Variants in SMUG1 observed in about 807,000 individuals in gnomAD.
SMUG1 encodes single-strand selective monofunctional uracil DNA glycosylase.
A neutral mutation model predicts 23.9 loss-of-function variants in SMUG1; 13 were observed. The ratio of observed to expected loss-of-function variants is 0.54; its 90% CI spans 0.35 to 0.86. The LOEUF is 0.86. Ranked by LOEUF, SMUG1 falls within the 40% of genes least tolerant of loss-of-function variation. The pLI is 0.01. For missense variants in SMUG1, 313 were observed against 339.5 expected, an observed-to-expected ratio of 0.92 and a Z score of 0.61; for synonymous variants, 133 against 139.8, an observed-to-expected ratio of 0.95 and a Z score of 0.34.
chr12:54,182,675 C>A, intron 3 of SMUG1, 52 bp from the exon 4 acceptor site: 1 of 1,555,594 alleles, frequency 6.4e-7, no homozygotes, highest in South Asian at 1.2e-5. Flanking sequence ...ACCTGAGGCC[C>A]GGGCTCTGGA....
downstream of SMUG1, among the ~76,000 whole-genome samples, chr12:54,162,980 G>C (rs758211504): frequency 6.6e-6 from 1 of 152,160 alleles, no homozygotes; most frequent in Non-Finnish European, 1.5e-5. Flanking sequence ...GGGAGCTGTC[G>C]GGCTAGGAGG....
At position 54,181,475 on chromosome 12, in the gene SMUG1, G is replaced by T; in HGVS notation, c.*621C>A. ...CTGTTTTACAGATGAGGAGCCTGAG[G>T]CATAGAGAGGTTTATTAATTTGTCA... On this transcript the variant is annotated 3_prime_UTR_variant, in exon 4 of 4. Transcript: ENST00000682136. 1.6e-6 allele frequency: 2 copies of T among 1,288,808 alleles called. No individual in the cohort carries two copies. Among genetic ancestry groups the T allele is most frequent in the Non-Finnish European group, 2.2e-6 (2 of 922,818 alleles). The allele number at this position is 1,288,808 out of a possible 1,614,324, so 79.8% of individuals were successfully genotyped here.
chr12:54,159,945 G>A (rs2136526319), downstream of SMUG1, among the ~76,000 whole-genome samples: 1 of 152,348 alleles, frequency 6.6e-6, no homozygotes, highest in Non-Finnish European at 1.5e-5. Flanking sequence ...TTGACCTTGT[G>A]CCTTCTTTGT....
At chr12:54,174,821 A>G (rs1940714336) in intron 2 of SMUG1, among the ~76,000 whole-genome samples, 1 of 152,216 alleles carries the variant, frequency 6.6e-6, no homozygotes, top group Admixed American at 6.5e-5. Flanking sequence ...GTACAGGAAA[A>G]TTCTTTTGCA....
At chr12:54,167,650 C>T (rs572186663) in intron 3 of SMUG1, among the ~76,000 whole-genome samples, 1 of 152,254 alleles carries the variant, frequency 6.6e-6, no homozygotes, top group South Asian at 2.1e-4. Flanking sequence ...CATGCAAAGC[C>T]CTCCTTAATG....
At chr12:54,161,436 G>A (rs943463556), downstream of SMUG1, among the ~76,000 whole-genome samples, 1 of 152,142 alleles carries the variant, frequency 6.6e-6, no homozygotes, top group Non-Finnish European at 1.5e-5. This position sits in a 1 kb window ranked among gnomAD's most constrained non-coding sequence, Gnocchi z 4.2. Flanking sequence ...GGGCCTCCAA[G>A]GGGCCTTCCC....
chr12:54,171,056 C>T (rs908380597), intron 3 of SMUG1, among the ~76,000 whole-genome samples: 1 of 150,218 alleles, frequency 6.7e-6, no homozygotes, highest in Admixed American at 6.6e-5. Flanking sequence ...AGTGCAGAGT[C>T]GTGATCTTGG....
chr12:54,180,332 A>C (rs1221813995), downstream of SMUG1: 1 of 152,250 alleles, frequency 6.6e-6, no homozygotes, highest in Non-Finnish European at 1.5e-5. Context: ...TTACTTGGGA[A>C]ATTCCAAGGA....
chr12:54,183,507 C>G (rs1482325158), intron 3 of SMUG1, 149 bp downstream of exon 3: 7 of 762,174 alleles, frequency 9.2e-6, no homozygotes, highest in Non-Finnish European at 1.3e-5. Context: ...CCTCGGACCA[C>G]AGGAGCCAGT....
intron 2 of SMUG1, among the ~76,000 whole-genome samples, chr12:54,173,555 CG>C (rs1249554888): frequency 3.3e-5 from 5 of 152,212 alleles, no homozygotes; most frequent in Non-Finnish European, 7.4e-5. Flanking sequence ...GCCGCCCGCG[CG>C]GCCCGCCGCC....
At chr12:54,180,273 AT>A (rs1162964090), downstream of SMUG1, 1 of 152,190 alleles carries the variant, frequency 6.6e-6, no homozygotes, top group Non-Finnish European at 1.5e-5. Flanking sequence ...CTCAACATAA[AT>A]TCAGGTGTAG....
chr12:54,187,432 G>C (rs1942714026), intron 2 of SMUG1: 1 of 152,190 alleles, frequency 6.6e-6, no homozygotes, highest in African/African-American at 2.4e-5. Flanking sequence ...AGCTGAGAAG[G>C]GTGCTGTGGA....
At chr12:54,188,295 A>AATAATAATAAAT (rs869289712) in intron 1 of SMUG1, among the ~76,000 whole-genome samples, 392 of 68,866 alleles carry the variant, frequency 5.7e-3, no homozygotes, top group African/African-American at 0.015. Context: ...TAATAATAAT[A>AATAATAATAAAT]AATAATAATA....
intron 2 of SMUG1, among the ~76,000 whole-genome samples, chr12:54,185,799 A>G (rs1460829202): frequency 6.6e-6 from 1 of 151,968 alleles, no homozygotes; most frequent in Admixed American, 6.6e-5. Context: ...CCTGGGCTAC[A>G]GAGGGAGACT....
At chr12:54,165,396 G>A (rs1940422460) in exon 4 of SMUG1, 1 of 152,192 alleles carries the variant, frequency 6.6e-6, no homozygotes, top group Non-Finnish European at 1.5e-5. Context: ...AGATCGCCAG[G>A]TGTAGTGGCC....
intron 2 of SMUG1, chr12:54,173,062 GAGACA>G (rs1940662925): frequency 1.1e-5 from 1 of 88,762 alleles, no homozygotes; most frequent in African/African-American, 5.4e-5. Context: ...CAGAAGGCCA[GAGACA>G]AGAAGACGGG....
chr12:54,183,617 AC>A (rs1307778245), intron 3 of SMUG1, 38 bp downstream of exon 3: 13 of 1,604,634 alleles, frequency 8.1e-6, no homozygotes, highest in Middle Eastern at 3.3e-4. Context: ...TCCACCTAGA[AC>A]CCCCCACTCC....
At chr12:54,161,391 C>G (rs1940257544), downstream of SMUG1, among the ~76,000 whole-genome samples, 1 of 152,220 alleles carries the variant, frequency 6.6e-6, no homozygotes, top group African/African-American at 2.4e-5. This position sits in a 1 kb window ranked among gnomAD's most constrained non-coding sequence, Gnocchi z 4.2. Context: ...CAACAGGCCC[C>G]AGCCTGTACC....
intron 2 of SMUG1, chr12:54,172,453 G>A (rs898238776): frequency 1.0e-5 from 2 of 197,998 alleles, no homozygotes; most frequent in South Asian, 8.9e-5. Context: ...GATAAGAAAG[G>A]GAGTGAACTG....
Sources: allele counts gnomAD v4.1 joint callset (sites outside exome capture counted in the v4.1 genomes callset), GRCh38; gene constraint gnomAD v4.1.1; non-coding constraint Gnocchi (gnomAD v3.1); transcripts MANE v1.5; gene names NCBI Gene and HGNC (gene_info 2026-07-23, HGNC 2026-07-21).